The following XCL2 variants were observed in gnomAD, a reference collection of about 807,000 sequenced individuals.
XCL2 encodes the protein X-C motif chemokine ligand 2, also known as cytokine SCM-1 beta.
Under a neutral mutation model 7.2 loss-of-function variants are expected in XCL2, and 8 were observed. The observed-to-expected ratio is 1.10, with a 90% confidence interval of 0.65 to 1.99. XCL2 has a LOEUF of 1.99. XCL2 is among the 30% of genes most tolerant of loss of function. The pLI, the probability that XCL2 is intolerant of heterozygous loss-of-function variation, is 0.00. For synonymous variants in XCL2, 46 were observed against 54.2 expected (o/e 0.85, Z 0.67); for missense variants, 131 against 138.6 (o/e 0.94, Z 0.28).
intron 1 of XCL2, among the ~76,000 whole-genome samples, 193 bp from the exon 2 acceptor site, chr1:168,542,300 TA>T (rs1346451826): frequency 6.6e-6 from 1 of 151,874 alleles, no homozygotes; most frequent in Non-Finnish European, 1.5e-5. Context: ...TTGACTAATT[TA>T]AAAACTCAAT....
chr1:168,542,163 C>G, intron 1 of XCL2, 56 bp from the exon 2 acceptor site: 2 of 1,384,690 alleles, frequency 1.4e-6, no homozygotes, highest in Non-Finnish European at 1.9e-6. Context: ...ACCCAGATCA[C>G]AGGAACAATC....
intron 2 of XCL2, among the ~76,000 whole-genome samples, chr1:168,541,508 CTTGCAATATGTATTGGGAAGAGTTA>C (rs1422905030): frequency 6.6e-6 from 1 of 152,014 alleles, no homozygotes; most frequent in Non-Finnish European, 1.5e-5. Flanking sequence ...TAGAGCAAAG[CTTGCAATATGTATTGGGAAGAGTTA>C]TTACTTCTAA....
At position 168,543,910 on chromosome 1, in the gene XCL2, C is replaced by T; in HGVS notation, c.55G>A (p.Val19Met). Residue 19 changes from valine to methionine, a missense_variant, in exon 1 of 3, where the codon GTG becomes ATG. Physicochemically the swap from Val to Met is conservative, Grantham distance 21 (BLOSUM62 1). Coordinates refer to ENST00000367819, the MANE Select transcript of XCL2 (RefSeq NM_003175.4). Reference protein sequence around the residue: ...LGICSLTAYIVEGVGSEVSHR... With the variant: ...LGICSLTAYIMEGVGSEVSHR... ...AGACAGCTTCTCCACTTACCTTCCA[C>T]AATGTATGCAGTGAGAGAGCAGATG... 6.2e-7 allele frequency: 1 copy of T among 1,609,810 alleles called. No individual in the cohort carries two copies. The highest frequency in any genetic ancestry group is 8.5e-7 in the Non-Finnish European group (1 of 1,177,622).
At position 168,542,116 on chromosome 1, in the gene XCL2, GA is replaced by G. The variant is rs746563888; in HGVS notation, c.62-10del. 49 of 1,382,804 alleles carry G rather than the reference GA, an allele frequency of 3.5e-5. No individual in the cohort carries two copies. The highest frequency in any genetic ancestry group is 1.9e-4 in the Middle Eastern group (1 of 5,236). The allele number at this position is 1,382,804 out of a possible 1,614,324, so 85.7% of individuals were successfully genotyped here. On this transcript the variant is annotated splice_polypyrimidine_tract_variant and intron_variant, in intron 1 of 2. Transcript: ENST00000367819. Reference sequence around the variant, plus strand: ...GACTTCACTCCCTACACCTGATGAGGAAAAAAAAACAACAGACAATTAAAAA... The same window carrying G: ...GACTTCACTCCCTACACCTGATGAGGAAAAAAAACAACAGACAATTAAAAA...
intron 1 of XCL2, 62 bp downstream of exon 1, chr1:168,543,842 A>G: frequency 1.2e-6 from 2 of 1,606,932 alleles, no homozygotes; most frequent in South Asian, 2.2e-5. Context: ...GTCAAACCCA[A>G]AATGTGTGCC....
chr1:168,542,130 A>G (rs879218300), intron 1 of XCL2, 23 bp from the exon 2 acceptor site: 5 of 1,471,824 alleles, frequency 3.4e-6, no homozygotes, highest in Non-Finnish European at 4.6e-6. Flanking sequence ...AAAAAACAAC[A>G]GACAATTAAA....
chr1:168,541,949 C>T lies in XCL2; in HGVS notation c.176+44G>A, dbSNP rs115146581. The T allele has an allele frequency of 1.3e-3, 2,111 of 1,596,808 alleles. 18 individuals carry two copies. In the African/African-American group the frequency reaches 0.023, roughly 17 times the overall value. On this transcript the variant is annotated intron_variant, in intron 2 of 2. Coordinates refer to ENST00000367819, the MANE Select transcript of XCL2 (RefSeq NM_003175.4). ...ATTTCTATAGAGTGTATTTCTATAC[C>T]TCTAGGTACCCACCCAGCCCAACTT...
intron 2 of XCL2, 98 bp from the exon 3 acceptor site, chr1:168,541,218 A>G: frequency 7.0e-7 from 1 of 1,424,796 alleles, no homozygotes; most frequent in Non-Finnish European, 9.4e-7. Flanking sequence ...TCTTGTGCAG[A>G]AATTACTGCA....
chr1:168,540,942 C>T lies in XCL2; in HGVS notation c.*10G>A. On this transcript the variant is annotated 3_prime_UTR_variant, in exon 3 of 3. Transcript: ENST00000367819. ...TGGCTGGCTGGAGACGGACAGGGTG[C>T]CAGAGACTACTAGCCAGTCAGGGTC... is the stretch of plus-strand genomic sequence containing the variant. 6.2e-7 allele frequency: 1 copy of T among 1,612,360 alleles called. No individual in the cohort carries two copies. The highest frequency in any genetic ancestry group is 8.5e-7 in the Non-Finnish European group (1 of 1,178,708).
At chr1:168,543,401 G>A in intron 1 of XCL2, 1 of 184,500 alleles carries the variant, frequency 5.4e-6, no homozygotes, top group Non-Finnish European at 1.1e-5. Context: ...ACATCCTCTG[G>A]TGCATCCCCA....
chr1:168,541,344 T>C (rs1360923085), intron 2 of XCL2, among the ~76,000 whole-genome samples: 1 of 152,168 alleles, frequency 6.6e-6, no homozygotes, highest in African/African-American at 2.4e-5. Context: ...TCACCATAAT[T>C]CACAGGCTCC....
chr1:168,542,040 G>A lies in XCL2; in HGVS notation c.129C>T (p.Ser43=), dbSNP rs777325495. The change falls in exon 2 of 3, where the codon AGC becomes AGT. Residue 43 remains serine (S), a synonymous_variant. Transcript: ENST00000367819. ...VSLTTQRLPV[S]RIKTYTITEG... ...CCGTGATGGTGTAGGTCTTGATTCTGCTAACTGGCAGTCGCTGGGTAGTGA... is the reference window on the plus strand; with the variant it reads ...CCGTGATGGTGTAGGTCTTGATTCTACTAACTGGCAGTCGCTGGGTAGTGA... The A allele has an allele frequency of 1.1e-5, 17 of 1,602,400 alleles. 1 individual carries two copies. The highest frequency in any genetic ancestry group is 1.4e-5 in the Non-Finnish European group (17 of 1,174,322).
intron 2 of XCL2, among the ~76,000 whole-genome samples, chr1:168,541,786 C>T (rs915212836): frequency 3.9e-5 from 6 of 152,160 alleles, no homozygotes; most frequent in Non-Finnish European, 5.9e-5. Flanking sequence ...TCTATTCTTT[C>T]TTTGGCAGCC....
intron 1 of XCL2, 118 bp downstream of exon 1, chr1:168,543,786 T>A: frequency 6.9e-7 from 1 of 1,445,492 alleles, no homozygotes; most frequent in Non-Finnish European, 9.6e-7. Context: ...ACATGGGAAG[T>A]TTAAGGCTCC....
At position 168,541,085 on chromosome 1, in the gene XCL2, T is replaced by A. The variant is rs1654270302; in HGVS notation, c.212A>T (p.Asp71Val). The A allele has an allele frequency of 2.5e-6, 4 of 1,613,538 alleles. No homozygotes were observed. The highest frequency in any genetic ancestry group is 3.3e-5 in the Admixed American group (2 of 59,930). Residue 71 changes from aspartate to valine, a missense_variant, in exon 3 of 3, where the codon GAT (aspartate) becomes GTT (valine). Physicochemically the swap from Asp to Val is radical, Grantham distance 152 (BLOSUM62 -3). Transcript: ENST00000367819. ...ITKRGLKVCA[D>V]PQATWVRDVV... ...GTCTCTCACCCACGTGGCTTGTGGA[T>A]CAGCACAGACTTTTAGGCCACGTTT...
At position 168,542,143 on chromosome 1, in the gene XCL2, T is replaced by C. The variant is rs371162931; in HGVS notation, c.62-36A>G. The C allele has an allele frequency of 6.1e-6, 9 of 1,463,926 alleles. No homozygotes were observed. In the African/African-American group the frequency reaches 1.1e-4, roughly 18 times the overall value. 90.7% of individuals were successfully genotyped at this position (1,463,926 alleles called of 1,614,324 possible). ...AAAAAAAACAACAGACAATTAAAAA[T>C]AAAGCAATTACCCAGATCACAGGAA... On this transcript the variant is annotated intron_variant, in intron 1 of 2. Coordinates refer to ENST00000367819, the MANE Select transcript of XCL2 (RefSeq NM_003175.4).
At chr1:168,543,656 T>G (rs1450708943) in intron 1 of XCL2, among the ~76,000 whole-genome samples, 1 of 144,980 alleles carries the variant, frequency 6.9e-6, no homozygotes, top group Non-Finnish European at 1.5e-5. Context: ...CCTGAGTGGT[T>G]AAGGAATTTA....
chr1:168,542,434 T>A (rs1654308031), intron 1 of XCL2, among the ~76,000 whole-genome samples: 1 of 152,118 alleles, frequency 6.6e-6, no homozygotes, highest in South Asian at 2.1e-4. Flanking sequence ...ACGCATTCAT[T>A]CATTTATACA....
chr1:168,543,235 G>T, intron 1 of XCL2: 2 of 199,992 alleles, frequency 1.0e-5, no homozygotes, highest in South Asian at 1.6e-4. Context: ...CCATCAAGCT[G>T]GTTATCTTTC....
Sources: allele counts gnomAD v4.1 joint callset (sites outside exome capture counted in the v4.1 genomes callset), GRCh38; gene constraint gnomAD v4.1.1; transcripts MANE v1.5; gene names NCBI Gene and HGNC (gene_info 2026-07-23, HGNC 2026-07-21).